MEP1B: variants seen among roughly 807,000 people sequenced by gnomAD.
MEP1B encodes the protein meprin A subunit beta, also known as N-benzoyl-L-tyrosyl-P-amino-benzoic acid hydrolase subunit beta.
Under a neutral mutation model 84.6 loss-of-function variants are expected in MEP1B, and 80 were observed. That is an observed-to-expected ratio of 0.95 (90% CI 0.79 to 1.14). The LOEUF (loss-of-function observed/expected upper bound fraction) is 1.14, where lower values mean the gene tolerates loss of function less well. Ranked by LOEUF, MEP1B falls within the 50% of genes most tolerant of loss-of-function variation. The pLI is 0.00. For missense variants in MEP1B, 766 were observed against 855.1 expected (o/e 0.90, Z 1.30); for synonymous variants, 273 against 288.1 (o/e 0.95, Z 0.53).
rs866826136 is a variant in MEP1B, at chr18:32,190,143, C to T, written c.63+10C>T. 2 of 1,607,750 alleles carry T rather than the reference C, an allele frequency of 1.2e-6. No individual in the cohort carries two copies. The highest frequency in any genetic ancestry group is 1.7e-5 in the Admixed American group (1 of 59,792). On this transcript the variant is annotated intron_variant, in intron 1 of 14. Transcript: ENST00000269202. ...CGTGATTTCTGGCTTGGTAAGGAAACAGTATATAGAAGATAATTTAAAAAT... is the reference window on the plus strand; with the variant it reads ...CGTGATTTCTGGCTTGGTAAGGAAATAGTATATAGAAGATAATTTAAAAAT...
chr18:32,195,968 T>G (rs2040849443), intron 5 of MEP1B: 2 of 305,928 alleles, frequency 6.5e-6, no homozygotes, highest in Admixed American at 4.6e-5. Context: ...TCTCCTAGAG[T>G]CTGGATCCCT....
Position 32,210,637 on chromosome 18 carries a change from T to G in MEP1B, c.1056T>G (p.Ser352Arg). Residue 352 changes from serine to arginine, a missense_variant, in exon 10 of 15, where the codon AGT becomes AGG. Transcript: ENST00000269202. ...QFYLYNSGSE[S>R]DQLNIYIREY... Reference sequence around the variant, plus strand: ...ACTTATATAACAGTGGCAGTGAAAGTGATCAACTGAACATCTATATCAGGG... The same window carrying G: ...ACTTATATAACAGTGGCAGTGAAAGGGATCAACTGAACATCTATATCAGGG... 1.2e-6 allele frequency: 2 copies of G among 1,614,006 alleles called. No individual in the cohort carries two copies. The highest frequency in any genetic ancestry group is 1.7e-6 in the Non-Finnish European group (2 of 1,179,852).
chr18:32,208,802 T>C (rs568999380), intron 9 of MEP1B, among the ~76,000 whole-genome samples: 160 of 152,364 alleles, frequency 1.1e-3, no homozygotes, highest in Middle Eastern at 0.01. Flanking sequence ...AATTTTTACG[T>C]ATTTGCTTAT....
At chr18:32,214,956 G>A in intron 11 of MEP1B, 126 bp from the exon 12 acceptor site, 1 of 693,132 alleles carries the variant, frequency 1.4e-6, no homozygotes, top group Non-Finnish European at 2.5e-6. Flanking sequence ...ATACATCACA[G>A]GTCAATAGCA....
intron 12 of MEP1B, among the ~76,000 whole-genome samples, chr18:32,216,205 G>A (rs2041088171): frequency 1.3e-5 from 2 of 151,892 alleles, no homozygotes; most frequent in South Asian, 4.2e-4. Context: ...GATGAAAGGT[G>A]GTGCAATTAA....
chr18:32,208,045 G>C, intron 8 of MEP1B, 74 bp from the exon 9 acceptor site: 1 of 1,503,844 alleles, frequency 6.6e-7, no homozygotes, highest in Non-Finnish European at 9.2e-7. Flanking sequence ...TTCTAATACT[G>C]TGATAAGTTC....
chr18:32,209,304 T>A (rs1277728450), intron 9 of MEP1B, among the ~76,000 whole-genome samples: 4 of 152,114 alleles, frequency 2.6e-5, no homozygotes, highest in Admixed American at 1.3e-4. Flanking sequence ...TGGGCCAACA[T>A]GGTGAAACCC....
intron 10 of MEP1B, 110 bp downstream of exon 10, chr18:32,210,826 C>G: frequency 1.2e-6 from 1 of 815,196 alleles, no homozygotes; most frequent in East Asian, 2.5e-5. Flanking sequence ...AGTCACTATA[C>G]TTCAACTAAG....
At position 32,196,817 on chromosome 18, in the gene MEP1B, C is replaced by A. The variant is rs753253550; in HGVS notation, c.250+1332C>A. The A allele has an allele frequency of 3.5e-5, 22 of 626,576 alleles. No homozygotes were observed. Among genetic ancestry groups the A allele is most frequent in the Non-Finnish European group, 6.1e-5 (21 of 343,788 alleles). 38.8% of individuals were successfully genotyped at this position (626,576 alleles called of 1,614,324 possible). ...TGCCCATCACCCGCACGCTCATCAG[C>A]ACTGCCTTCTGCTGGCTTCTCAGGG... On this transcript the variant is annotated intron_variant, in intron 5 of 14. Transcript: ENST00000269202. The surrounding 1 kb of genome is among the most constrained non-coding windows in gnomAD (Gnocchi z 4.4).
chr18:32,212,974 A>G, intron 10 of MEP1B, 142 bp from the exon 11 acceptor site: 2 of 714,282 alleles, frequency 2.8e-6, no homozygotes, highest in South Asian at 3.9e-5. Context: ...TCTAGGCTGG[A>G]GCTTTGGCAA....
Position 32,196,590 on chromosome 18 carries a change from C to T in MEP1B, c.250+1105C>T, listed in dbSNP as rs2040857640. On this transcript the variant is annotated intron_variant, in intron 5 of 14. Transcript: ENST00000269202. This position sits in a 1 kb window ranked among gnomAD's most constrained non-coding sequence, Gnocchi z 4.4. ...GACGGCCAGCGCGTTGTCCAGGAAG[C>T]ACAGCGACAGGTCGTACTCCATCAC... 7 of 721,890 alleles carry T rather than the reference C, an allele frequency of 9.7e-6. No individual in the cohort carries two copies. The highest frequency in any genetic ancestry group is 1.8e-5 in the Non-Finnish European group (7 of 393,220). The allele number at this position is 721,890 out of a possible 1,614,324, so 44.7% of individuals were successfully genotyped here. A position where few individuals can be genotyped will look rare whatever the true frequency, so the allele number is the denominator to read the frequency against.
intron 14 of MEP1B, among the ~76,000 whole-genome samples, chr18:32,219,175 A>G (rs2041124628): frequency 6.6e-6 from 1 of 152,232 alleles, no homozygotes; most frequent in African/African-American, 2.4e-5. Flanking sequence ...TATTCAAGAC[A>G]TACTATATTT....
In MEP1B at chr18:32,192,829, C is replaced by G; in HGVS notation, c.171+12C>G. 6.2e-7 allele frequency: 1 copy of G among 1,607,276 alleles called. No individual in the cohort carries two copies. The highest frequency in any genetic ancestry group is 8.5e-7 in the Non-Finnish European group (1 of 1,175,264). ...TCAGACTTGATAGGGTGAGTTGAAA[C>G]AGTATAAGGAAGAATCTTCCATTAA... On this transcript the variant is annotated intron_variant, in intron 4 of 14. Transcript: ENST00000269202.
chr18:32,213,602 T>C, intron 11 of MEP1B, 43 bp downstream of exon 11: 1 of 1,443,404 alleles, frequency 6.9e-7, no homozygotes, highest in Non-Finnish European at 9.7e-7. Context: ...CAATCATTGC[T>C]CTAGGAGGGA....
chr18:32,195,235 C>A (rs562118621), intron 4 of MEP1B, among the ~76,000 whole-genome samples, 172 bp from the exon 5 acceptor site: 2 of 151,366 alleles, frequency 1.3e-5, no homozygotes, highest in African/African-American at 4.9e-5. Context: ...TTCCTAGAAA[C>A]TTTGTTATAT....
At chr18:32,219,960 A>G (rs77190873) in intron 14 of MEP1B, among the ~76,000 whole-genome samples, 2,037 of 152,280 alleles carry the variant, frequency 0.013, 24 homozygotes, top group Middle Eastern at 0.041. Flanking sequence ...CAGATCTCCC[A>G]GATGTCGTTT....
At chr18:32,192,745 C>T in intron 3 of MEP1B, 29 bp from the exon 4 acceptor site, 4 of 1,612,084 alleles carry the variant, frequency 2.5e-6, no homozygotes, top group Non-Finnish European at 3.4e-6. Flanking sequence ...ATCCAATTTG[C>T]TAACATGAAT....
intron 5 of MEP1B, among the ~76,000 whole-genome samples, chr18:32,201,623 CAT>C (rs2040913706): frequency 6.6e-6 from 1 of 151,962 alleles, no homozygotes; most frequent in African/African-American, 2.4e-5. Flanking sequence ...GAAATATTAA[CAT>C]ATGTATGTTA....
intron 9 of MEP1B, among the ~76,000 whole-genome samples, chr18:32,209,176 G>A (rs909140071): frequency 7.9e-5 from 12 of 152,314 alleles, no homozygotes; most frequent in South Asian, 2.1e-4. Flanking sequence ...GAAACTAAGC[G>A]AATACTTGAA....
Sources: gnomAD v4.1 joint callset for allele counts (sites outside exome capture counted in the v4.1 genomes callset) on GRCh38, gnomAD v4.1.1 for gene constraint, Gnocchi (gnomAD v3.1) non-coding constraint, MANE v1.5 for transcripts, NCBI Gene and HGNC (gene_info 2026-07-23, HGNC 2026-07-21) for gene names.